Variants in CTNNA3 observed in about 807,000 individuals in gnomAD.
CTNNA3 encodes catenin alpha-3.
A neutral mutation model predicts 95.7 loss-of-function variants in CTNNA3; 76 were observed. That is an observed-to-expected ratio of 0.79 (90% CI 0.66 to 0.96). The LOEUF (loss-of-function observed/expected upper bound fraction) is 0.96. CTNNA3 is among the 40% of genes least tolerant of loss of function. CTNNA3 has a pLI of 0.00. For missense variants in CTNNA3, 1,191 were observed against 1,089.8 expected, an observed-to-expected ratio of 1.09 and a Z score of -1.31; for synonymous variants, 431 against 374.4, an observed-to-expected ratio of 1.15 and a Z score of -1.74.
rs192635326 is a variant in CTNNA3, at chr10:65,939,413, C to A, written c.2401-18796G>T. 2.0e-5 allele frequency among the ~76,000 whole-genome samples: 3 copies of A among 152,198 alleles called. No individual in the cohort carries two copies. The East Asian group carries it at 5.8e-4, about 29-fold the overall frequency. ...TTTTTCCTCTAGGTCCTCCACAGACCCTTTAAAATCATGACAGATTATATC... is the reference window on the plus strand; with the variant it reads ...TTTTTCCTCTAGGTCCTCCACAGACACTTTAAAATCATGACAGATTATATC... On this transcript the variant is annotated intron_variant, in intron 17 of 17. Coordinates refer to ENST00000433211, the MANE Select transcript of CTNNA3 (RefSeq NM_013266.4).
chr10:66,324,362 C>G (rs1431829860), intron 12 of CTNNA3, among the ~76,000 whole-genome samples: 1 of 152,258 alleles, frequency 6.6e-6, no homozygotes, highest in Non-Finnish European at 1.5e-5. Flanking sequence ...ATTCATCCTT[C>G]AAGTCCATGT....
intron 2 of CTNNA3, among the ~76,000 whole-genome samples, chr10:67,633,611 GTGGACC>G (rs1839214741): frequency 6.6e-6 from 1 of 152,156 alleles, no homozygotes; most frequent in Non-Finnish European, 1.5e-5. Context: ...AGGGTCTGGA[GTGGACC>G]CCCAGCAAAC....
chr10:66,208,962 A>G (rs1368920357), intron 13 of CTNNA3, among the ~76,000 whole-genome samples: 1 of 150,736 alleles, frequency 6.6e-6, no homozygotes, highest in African/African-American at 2.4e-5. Context: ...ACTCAATCCA[A>G]GTAAAATGAG....
At chr10:67,589,085 C>T (rs1842720472) in intron 3 of CTNNA3, among the ~76,000 whole-genome samples, 1 of 151,894 alleles carries the variant, frequency 6.6e-6, no homozygotes, top group Non-Finnish European at 1.5e-5. Context: ...ATGTAAGGCT[C>T]TGGGGAAAGA....
chr10:67,351,970 T>A (rs533786011), intron 5 of CTNNA3, among the ~76,000 whole-genome samples: 1 of 152,008 alleles, frequency 6.6e-6, no homozygotes, highest in Non-Finnish European at 1.5e-5. Context: ...CAAATGCAAT[T>A]TAATTCACCA....
intron 7 of CTNNA3, among the ~76,000 whole-genome samples, chr10:66,959,569 T>C (rs1849006865): frequency 1.3e-5 from 2 of 152,118 alleles, no homozygotes; most frequent in South Asian, 4.1e-4. Context: ...TTAACCTCTC[T>C]GGGAAATCTG....
In CTNNA3 at chr10:67,548,942, G is replaced by A. The variant is rs374526734; in HGVS notation, c.293-9273C>T. Among the ~76,000 whole-genome samples the A allele has an allele frequency of 1.6e-4, 24 of 151,864 alleles. No homozygotes were observed. The East Asian group carries it at 2.7e-3, about 17-fold the overall frequency. ...AGACAATCCTGTTTTTAAAATAGGC[G>A]AAGAGTCTAAATAGACATTTCTCCA... On this transcript the variant is annotated intron_variant, in intron 3 of 17. Coordinates refer to ENST00000433211, the MANE Select transcript of CTNNA3 (RefSeq NM_013266.4).
intron 15 of CTNNA3, among the ~76,000 whole-genome samples, chr10:66,007,563 G>A (rs72791430): frequency 3.8e-4 from 58 of 152,214 alleles, no homozygotes; most frequent in Non-Finnish European, 6.9e-4. Context: ...ATGTGTCCTT[G>A]CCTTAAAAAA....
At chr10:66,830,476 A>G (rs1384254620) in intron 7 of CTNNA3, among the ~76,000 whole-genome samples, 2 of 152,218 alleles carry the variant, frequency 1.3e-5, no homozygotes, top group Non-Finnish European at 2.9e-5. Context: ...GCTCATTACT[A>G]GCAAAACTGG....
intron 7 of CTNNA3, among the ~76,000 whole-genome samples, chr10:66,811,247 G>A (rs1024484241): frequency 6.6e-6 from 1 of 152,178 alleles, no homozygotes; most frequent in Non-Finnish European, 1.5e-5. Context: ...GGGCACATAA[G>A]ATTTTCAAGA....
At chr10:67,486,892 T>C (rs61866947) in intron 5 of CTNNA3, among the ~76,000 whole-genome samples, 10,415 of 152,300 alleles carry the variant, frequency 0.068, 494 homozygotes, top group Non-Finnish European at 0.1. Context: ...TTTCTCACAC[T>C]TTAGTCATTT....
At chr10:66,621,928 T>C (rs1277005380) in intron 9 of CTNNA3, 144 bp from the exon 10 acceptor site, 2 of 521,796 alleles carry the variant, frequency 3.8e-6, no homozygotes, top group Non-Finnish European at 6.8e-6. Context: ...GTATCTATTT[T>C]ATGAAAGAAT....
intron 7 of CTNNA3, among the ~76,000 whole-genome samples, chr10:66,955,066 A>G (rs1224634386): frequency 6.6e-6 from 1 of 152,208 alleles, no homozygotes; most frequent in African/African-American, 2.4e-5. Flanking sequence ...TTCTTATCAT[A>G]TAATACATGG....
In CTNNA3 at chr10:66,204,658, C is replaced by G. The variant is rs990018512; in HGVS notation, c.1884+75812G>C. On this transcript the variant is annotated intron_variant, in intron 13 of 17. Coordinates refer to ENST00000433211, the MANE Select transcript of CTNNA3 (RefSeq NM_013266.4). The stretch of plus-strand genomic sequence containing the variant: ...AGTGACCCAAAGGTGACCACTTCCT[C>G]CCTTGTACTTACATCCATTCATACT... Among the ~76,000 whole-genome samples, 6 of 152,266 alleles carry G rather than the reference C, an allele frequency of 3.9e-5. No individual in the cohort carries two copies. The East Asian group carries it at 1.2e-3, about 29-fold the overall frequency.
chr10:66,635,047 A>G (rs1845288891), intron 9 of CTNNA3, among the ~76,000 whole-genome samples: 1 of 152,130 alleles, frequency 6.6e-6, no homozygotes, highest in Non-Finnish European at 1.5e-5. Flanking sequence ...GTAAATGGAC[A>G]CACACACCTC....
At chr10:66,124,206 C>A (rs1478208042) in intron 13 of CTNNA3, among the ~76,000 whole-genome samples, 1 of 152,116 alleles carries the variant, frequency 6.6e-6, no homozygotes, top group Non-Finnish European at 1.5e-5. Context: ...ATTTCTTCTG[C>A]CAGATACCCT....
intron 13 of CTNNA3, among the ~76,000 whole-genome samples, chr10:66,204,703 G>A (rs945606871): frequency 1.3e-5 from 2 of 152,040 alleles, no homozygotes; most frequent in East Asian, 3.9e-4. Context: ...GCACTTTTAA[G>A]ATTATGGAAT....
intron 5 of CTNNA3, among the ~76,000 whole-genome samples, chr10:67,375,916 T>G (rs1843670024): frequency 6.6e-6 from 1 of 152,140 alleles, no homozygotes; most frequent in Admixed American, 6.5e-5. Context: ...GGGAGGTGAT[T>G]AGTTCAGGAA....
chr10:66,445,416 G>C (rs1297879746), intron 11 of CTNNA3, among the ~76,000 whole-genome samples: 11 of 152,026 alleles, frequency 7.2e-5, no homozygotes, highest in East Asian at 3.9e-4. Flanking sequence ...TGACCACATA[G>C]TTGGAAGTAA....
Sources: allele counts gnomAD v4.1 joint callset (sites outside exome capture counted in the v4.1 genomes callset), GRCh38; gene constraint gnomAD v4.1.1; transcripts MANE v1.5; gene names NCBI Gene and HGNC (gene_info 2026-07-23, HGNC 2026-07-21).